Variants in AJAP1 observed in about 807,000 individuals in gnomAD.
AJAP1 encodes the protein adherens junctions associated protein 1.
Under a neutral mutation model 35.0 loss-of-function variants are expected in AJAP1, and 5 were observed. The observed-to-expected ratio is 0.14, with a 90% CI of 0.07 to 0.30. The LOEUF (loss-of-function observed/expected upper bound fraction) is 0.30, where lower values mean the gene tolerates loss of function less well. Ranked by LOEUF, AJAP1 falls within the 10% of genes least tolerant of loss-of-function variation. AJAP1 has a pLI of 1.00. For missense variants in AJAP1, 586 were observed against 571.0 expected, an observed-to-expected ratio of 1.03 and a Z score of -0.27; for synonymous variants, 284 against 249.3, an observed-to-expected ratio of 1.14 and a Z score of -1.31.
At chr1:4,767,028 C>G (rs1279408718) in intron 2 of AJAP1, among the ~76,000 whole-genome samples, 1 of 152,156 alleles carries the variant, frequency 6.6e-6, no homozygotes, top group Non-Finnish European at 1.5e-5. Context: ...GCCCATAATG[C>G]ACCCTTCACG....
At chr1:4,682,104 A>G (rs1272414168) in intron 1 of AJAP1, among the ~76,000 whole-genome samples, 1 of 152,204 alleles carries the variant, frequency 6.6e-6, no homozygotes, top group Non-Finnish European at 1.5e-5. Context: ...ACTGTGGTCC[A>G]CTGATGATGC....
At chr1:4,774,381 T>C in intron 4 of AJAP1, 46 bp from the exon 5 acceptor site, 1 of 1,580,250 alleles carries the variant, frequency 6.3e-7, no homozygotes, top group African/African-American at 1.3e-5. Flanking sequence ...TCATGTGTCA[T>C]GGTCAAGTAC....
intron 2 of AJAP1, among the ~76,000 whole-genome samples, chr1:4,746,795 A>T (rs530194984): frequency 4.5e-4 from 68 of 152,334 alleles, no homozygotes; most frequent in African/African-American, 1.5e-3. Context: ...TGGGTGTCAT[A>T]GATTGGCCTG....
Position 4,790,202 on chromosome 1 carries a change from G to T in AJAP1, c.*7717G>T, listed in dbSNP as rs1302531795. 1 of 152,386 alleles carries T rather than the reference G, an allele frequency of 6.6e-6. No individual in the cohort carries two copies. The highest frequency in any genetic ancestry group is 1.5e-5 in the Non-Finnish European group (1 of 68,050). The allele number at this position is 152,386 out of a possible 1,614,324, so 9.4% of individuals were successfully genotyped here. A position where few individuals can be genotyped will look rare whatever the true frequency, so the allele number is the denominator to read the frequency against. On this transcript the variant is annotated 3_prime_UTR_variant, in exon 6 of 6. Coordinates refer to ENST00000378191, the MANE Select transcript of AJAP1 (RefSeq NM_018836.4). ...GGTTTTCTATAGGGCAGCAGCTGCT[G>T]CTCCCAGGGGAACCCTCTCCTGTTG... is the stretch of plus-strand genomic sequence containing the variant.
At chr1:4,686,061 G>A (rs573833108) in intron 1 of AJAP1, among the ~76,000 whole-genome samples, 6 of 152,298 alleles carry the variant, frequency 3.9e-5, no homozygotes, top group African/African-American at 1.2e-4. Context: ...TCTTCTCCTC[G>A]GAGGTTTTGC....
At chr1:4,733,932 T>A (rs953872246) in intron 2 of AJAP1, among the ~76,000 whole-genome samples, 1 of 151,600 alleles carries the variant, frequency 6.6e-6, no homozygotes, top group Non-Finnish European at 1.5e-5. Flanking sequence ...TTATGAGATG[T>A]GGATCAAAGG....
intron 2 of AJAP1, among the ~76,000 whole-genome samples, chr1:4,756,656 C>T (rs940208302): frequency 4.6e-5 from 7 of 152,174 alleles, no homozygotes; most frequent in Admixed American, 4.6e-4. Flanking sequence ...TCCTGGGATT[C>T]AGACGCTTAG....
At chr1:4,764,184 T>C (rs1641631706) in intron 2 of AJAP1, among the ~76,000 whole-genome samples, 2 of 152,178 alleles carry the variant, frequency 1.3e-5, no homozygotes, top group African/African-American at 4.8e-5. Flanking sequence ...CTCTCTATAT[T>C]TCATTGGTTT....
intron 2 of AJAP1, among the ~76,000 whole-genome samples, chr1:4,755,932 T>C (rs193278365): frequency 5.3e-5 from 8 of 152,098 alleles, no homozygotes; most frequent in Admixed American, 5.2e-4. Context: ...AGACGTCACC[T>C]GGGGAAGGGT....
intron 1 of AJAP1, among the ~76,000 whole-genome samples, chr1:4,663,589 C>T (rs536242262): frequency 1.4e-4 from 21 of 152,264 alleles, no homozygotes; most frequent in East Asian, 9.7e-4. Context: ...AGGAGGGTGG[C>T]GCCTGGAGGA....
intron 2 of AJAP1, among the ~76,000 whole-genome samples, chr1:4,753,111 G>A (rs565675734): frequency 6.6e-6 from 1 of 152,304 alleles, no homozygotes; most frequent in East Asian, 1.9e-4. Context: ...TATCATTGCT[G>A]CTGGAAGGGC....
intron 1 of AJAP1, among the ~76,000 whole-genome samples, chr1:4,687,581 C>T (rs142831149): frequency 1.9e-4 from 29 of 152,260 alleles, no homozygotes; most frequent in Non-Finnish European, 3.7e-4. Flanking sequence ...GTGGAAGGTT[C>T]TGCTGTCTGG....
In AJAP1 at chr1:4,742,115, A is replaced by G. The variant is rs1641081587; in HGVS notation, c.830-27738A>G. On this transcript the variant is annotated intron_variant, in intron 2 of 5. Transcript: ENST00000378191. ...GTTTTAAAGAGTGGGTGAACGTTGG[A>G]TGGCAAATGGGACATTCATCTCCAG... Among the ~76,000 whole-genome samples, 3 of 152,326 alleles carry G rather than the reference A, an allele frequency of 2.0e-5. No homozygotes were observed. In the East Asian group the frequency reaches 5.8e-4, roughly 29 times the overall value.
intron 1 of AJAP1, among the ~76,000 whole-genome samples, chr1:4,667,371 G>A (rs943536878): frequency 8.5e-5 from 13 of 152,264 alleles, no homozygotes; most frequent in Middle Eastern, 3.4e-3. Flanking sequence ...ACCTGCCCCT[G>A]CCCCTCCGTG....
chr1:4,686,515 C>T (rs1023025261), intron 1 of AJAP1, among the ~76,000 whole-genome samples: 1 of 152,142 alleles, frequency 6.6e-6, no homozygotes, highest in African/African-American at 2.4e-5. Flanking sequence ...TATTCGGCTT[C>T]AATAAGTAAA....
intron 1 of AJAP1, among the ~76,000 whole-genome samples, chr1:4,699,535 A>G (rs1245862526): frequency 6.6e-6 from 1 of 152,234 alleles, no homozygotes; most frequent in Non-Finnish European, 1.5e-5. Flanking sequence ...TTTCAGGGAC[A>G]AGACCATCAA....
At chr1:4,740,785 C>CAAAA (rs34897087) in intron 2 of AJAP1, among the ~76,000 whole-genome samples, 12 of 66,934 alleles carry the variant, frequency 1.8e-4, no homozygotes, top group East Asian at 1.3e-3. Context: ...GACTCCGTCT[C>CAAAA]AAAAAAAAAA....
chr1:4,700,531 T>G (rs1405751880), intron 1 of AJAP1, among the ~76,000 whole-genome samples: 1 of 152,150 alleles, frequency 6.6e-6, no homozygotes, highest in African/African-American at 2.4e-5. Flanking sequence ...CCACTTCCCT[T>G]TGAGCTGACC....
At chr1:4,774,995 G>A (rs1347528720) in intron 5 of AJAP1, among the ~76,000 whole-genome samples, 1 of 152,098 alleles carries the variant, frequency 6.6e-6, no homozygotes, top group Non-Finnish European at 1.5e-5. Context: ...TTTACATCGG[G>A]GGAGGGCGCA....
Sources: allele counts gnomAD v4.1 joint callset (sites outside exome capture counted in the v4.1 genomes callset), GRCh38; gene constraint gnomAD v4.1.1; transcripts MANE v1.5; gene names NCBI Gene and HGNC (gene_info 2026-07-23, HGNC 2026-07-21).